CTNNA3: variants seen among roughly 807,000 people sequenced by gnomAD.
The protein encoded by CTNNA3 is catenin alpha 3, also known as catenin alpha-3.
Under a neutral mutation model 95.7 loss-of-function variants are expected in CTNNA3, and 76 were observed. That is an observed-to-expected ratio of 0.79 (90% CI 0.66 to 0.96). The LOEUF is 0.96. Among genes scored for constraint, CTNNA3 ranks in the 40% least tolerant of loss-of-function variants. CTNNA3 has a pLI of 0.00. For synonymous variants in CTNNA3, 431 were observed against 374.4 expected (o/e 1.15, Z -1.74); for missense variants, 1,191 against 1,089.8 (o/e 1.09, Z -1.31).
intron 13 of CTNNA3, among the ~76,000 whole-genome samples, chr10:66,156,710 G>C (rs934966389): frequency 1.3e-5 from 2 of 151,942 alleles, no homozygotes; most frequent in African/African-American, 4.8e-5. Context: ...CATGGTCAAA[G>C]AATAGTAACT....
intron 6 of CTNNA3, among the ~76,000 whole-genome samples, chr10:67,184,601 T>C (rs1862745796): frequency 6.6e-6 from 1 of 152,216 alleles, no homozygotes; most frequent in Non-Finnish European, 1.5e-5. Flanking sequence ...AATTAAGACA[T>C]GAACAAGATT....
rs554362460 is a variant in CTNNA3, at chr10:67,564,004, A to C, written c.293-24335T>G. Among the ~76,000 whole-genome samples the C allele has an allele frequency of 8.5e-4, 127 of 149,070 alleles. 3 individuals are homozygous for C. The highest frequency in any genetic ancestry group is 1.9e-3 in the Admixed American group (29 of 15,032). Reference sequence around the variant, plus strand: ...AAAGTCAGGAAACAACAGGTGCTGGAGAGGATGTGGAGAAATAGGAACACT... The same window carrying C: ...AAAGTCAGGAAACAACAGGTGCTGGCGAGGATGTGGAGAAATAGGAACACT... On this transcript the variant is annotated intron_variant, in intron 3 of 17. Transcript: ENST00000433211.
intron 10 of CTNNA3, among the ~76,000 whole-genome samples, chr10:66,528,442 A>C (rs547968330): frequency 3.9e-5 from 6 of 152,306 alleles, no homozygotes; most frequent in East Asian, 3.9e-4. Flanking sequence ...GACTGTCTCA[A>C]GATTTTCTTT....
chr10:66,504,080 C>T (rs1478689351), intron 11 of CTNNA3, among the ~76,000 whole-genome samples: 1 of 152,040 alleles, frequency 6.6e-6, no homozygotes, highest in African/African-American at 2.4e-5. Flanking sequence ...CTTGTTCTCT[C>T]AGCGATTTTC....
intron 9 of CTNNA3, among the ~76,000 whole-genome samples, chr10:66,759,713 T>C (rs970443669): frequency 5.3e-5 from 8 of 152,198 alleles, no homozygotes; most frequent in Admixed American, 1.3e-4. Context: ...CATGTGGCTA[T>C]TGAGCACTTA....
At chr10:66,182,579 A>T (rs1189985844) in intron 13 of CTNNA3, among the ~76,000 whole-genome samples, 1 of 152,104 alleles carries the variant, frequency 6.6e-6, no homozygotes, top group Non-Finnish European at 1.5e-5. Context: ...CTAAATAAGA[A>T]CATCTCATGT....
chr10:67,124,489 A>G (rs563693606), intron 7 of CTNNA3, among the ~76,000 whole-genome samples: 1 of 152,290 alleles, frequency 6.6e-6, no homozygotes, highest in Admixed American at 6.5e-5. Context: ...TGTCACATGG[A>G]GAATAACCAA....
In CTNNA3 at chr10:67,740,402, C is replaced by G. The variant is rs1841329021; in HGVS notation, c.-2+23032G>C. Among the ~76,000 whole-genome samples the G allele has an allele frequency of 7.3e-5, 11 of 151,466 alleles. 1 individual carries two copies. In the South Asian group the frequency reaches 1.7e-3, roughly 23 times the overall value. ...CAAAATGGGAGAAAATTTTCACAGC[C>G]TGCTCATCTGACAAAGGGCTAATAT... is the stretch of plus-strand genomic sequence containing the variant. On this transcript the variant is annotated intron_variant, in intron 1 of 17. Coordinates refer to the CTNNA3 transcript ENST00000684154.
intron 9 of CTNNA3, among the ~76,000 whole-genome samples, chr10:66,677,061 A>T (rs1019368778): frequency 3.9e-5 from 6 of 152,256 alleles, no homozygotes; most frequent in African/African-American, 1.4e-4. Context: ...GAAGGAAACT[A>T]AGTTGGGTTC....
At chr10:67,726,645 T>G (rs1235139394) in intron 1 of CTNNA3, among the ~76,000 whole-genome samples, 1 of 2,530 alleles carries the variant, frequency 4.0e-4, no homozygotes, top group Non-Finnish European at 8.0e-4. Context: ...ATATAATATA[T>G]ACTATAATAT....
intron 4 of CTNNA3, among the ~76,000 whole-genome samples, chr10:67,531,218 C>T (rs1423035994): frequency 6.6e-6 from 1 of 152,122 alleles, no homozygotes; most frequent in African/African-American, 2.4e-5. Context: ...GGCCACTGTC[C>T]TCCAGAACCA....
intron 14 of CTNNA3, among the ~76,000 whole-genome samples, chr10:66,069,829 A>C (rs892662657): frequency 2.0e-5 from 3 of 152,128 alleles, no homozygotes; most frequent in African/African-American, 7.2e-5. Context: ...GTAATGCATC[A>C]CCTTTGTTAG....
chr10:66,742,204 G>A (rs989274391), intron 9 of CTNNA3, among the ~76,000 whole-genome samples: 2 of 152,140 alleles, frequency 1.3e-5, no homozygotes, highest in African/African-American at 4.8e-5. Flanking sequence ...CTCTGAAATG[G>A]CCGCTTTGGG....
chr10:67,148,721 G>A (rs530487169), intron 7 of CTNNA3, among the ~76,000 whole-genome samples: 96 of 152,170 alleles, frequency 6.3e-4, no homozygotes, highest in Non-Finnish European at 1.2e-3. Flanking sequence ...TGTGACCCAA[G>A]GTGAAATCTA....
intron 2 of CTNNA3, among the ~76,000 whole-genome samples, chr10:67,620,950 T>C (rs1034845261): frequency 3.5e-5 from 5 of 144,294 alleles, no homozygotes; most frequent in South Asian, 2.2e-4. Context: ...TATATATATA[T>C]ACAGAAATGT....
intron 7 of CTNNA3, among the ~76,000 whole-genome samples, chr10:66,886,205 A>G (rs943682822): frequency 6.6e-6 from 1 of 152,162 alleles, no homozygotes; most frequent in Non-Finnish European, 1.5e-5. Context: ...ATGCTCTGGA[A>G]TCATTTTTCA....
At chr10:65,946,388 T>C (rs902348400) in intron 17 of CTNNA3, among the ~76,000 whole-genome samples, 1 of 152,144 alleles carries the variant, frequency 6.6e-6, no homozygotes, top group African/African-American at 2.4e-5. Context: ...TGATGAAACC[T>C]AGTTATATCA....
intron 7 of CTNNA3, among the ~76,000 whole-genome samples, chr10:66,806,754 A>ATG (rs1344673321): frequency 5.4e-5 from 4 of 73,412 alleles, no homozygotes; most frequent in African/African-American, 1.2e-4. Flanking sequence ...AATGTGGCAT[A>ATG]TATGTGTGTG....
intron 9 of CTNNA3, among the ~76,000 whole-genome samples, chr10:66,646,408 G>A (rs1391462290): frequency 6.6e-6 from 1 of 152,062 alleles, no homozygotes; most frequent in African/African-American, 2.4e-5. Context: ...CAATAACTCA[G>A]TCACAGCAAT....
Sources: gnomAD v4.1 joint callset for allele counts (sites outside exome capture counted in the v4.1 genomes callset) on GRCh38, gnomAD v4.1.1 for gene constraint, MANE v1.5 for transcripts, NCBI Gene and HGNC (gene_info 2026-07-23, HGNC 2026-07-21) for gene names.